The following PCDHA1 variants were observed in gnomAD, a reference collection of about 807,000 sequenced individuals.
The protein encoded by PCDHA1 is protocadherin alpha 1.
In PCDHA1, 42 loss-of-function variants were observed where a neutral mutation model predicts 61.3. The ratio of observed to expected loss-of-function variants is 0.69; its 90% CI spans 0.54 to 0.89. The LOEUF (loss-of-function observed/expected upper bound fraction) is 0.89, where lower values mean the gene tolerates loss of function less well. Ranked by LOEUF, PCDHA1 falls within the 40% of genes least tolerant of loss-of-function variation. The pLI is 0.00. For missense variants in PCDHA1, 1,256 were observed against 1,235.3 expected (o/e 1.02, Z -0.25); for synonymous variants, 610 against 553.8 (o/e 1.10, Z -1.43).
intron 1 of PCDHA1, chr5:140,861,357 G>A (rs560903391): frequency 3.0e-5 from 10 of 335,976 alleles, no homozygotes; most frequent in East Asian, 7.7e-5. Context: ...GGCACATAGC[G>A]TCTTCGCGGT....
intron 1 of PCDHA1, among the ~76,000 whole-genome samples, chr5:140,872,509 C>A (rs1554166234): frequency 6.6e-6 from 1 of 152,076 alleles, no homozygotes; most frequent in Non-Finnish European, 1.5e-5. Flanking sequence ...TGCCTGTAGT[C>A]CCAGTTTCTT....
chr5:140,799,816 G>C (rs1762476928), intron 1 of PCDHA1, among the ~76,000 whole-genome samples: 1 of 151,992 alleles, frequency 6.6e-6, no homozygotes, highest in African/African-American at 2.4e-5. Context: ...ATTTTTAAAT[G>C]GTCTGGGTAT....
chr5:140,860,067 T>C (rs2150484600), intron 1 of PCDHA1: 1 of 151,674 alleles, frequency 6.6e-6, no homozygotes, highest in African/African-American at 2.4e-5. Flanking sequence ...GGTGGGAGGA[T>C]GGTTTGAGGC....
chr5:140,930,257 A>C (rs1412873070), intron 1 of PCDHA1: 1 of 152,218 alleles, frequency 6.6e-6, no homozygotes, highest in Non-Finnish European at 1.5e-5. Flanking sequence ...ACTTGGATTT[A>C]ATTTCTTTTA....
chr5:140,883,762 G>T, intron 1 of PCDHA1: 3 of 1,612,794 alleles, frequency 1.9e-6, no homozygotes, highest in Non-Finnish European at 2.5e-6. Context: ...TGGAGCGGCG[G>T]GTGGGCGAGC....
intron 1 of PCDHA1, chr5:140,861,911 G>A (rs1428528633): frequency 1.3e-5 from 2 of 154,368 alleles, no homozygotes; most frequent in East Asian, 1.9e-4. Context: ...ATATATCACA[G>A]CGCTGGATGT....
chr5:140,957,709 A>T (rs1321290139), intron 1 of PCDHA1, among the ~76,000 whole-genome samples: 6 of 152,264 alleles, frequency 3.9e-5, no homozygotes, highest in Admixed American at 3.3e-4. Context: ...TGTAGTTTTT[A>T]TTAAGAAAGA....
intron 1 of PCDHA1, among the ~76,000 whole-genome samples, chr5:140,789,563 A>G (rs958674794): frequency 7.2e-5 from 11 of 152,232 alleles, no homozygotes; most frequent in Non-Finnish European, 1.0e-4. Flanking sequence ...CTTCATTGTC[A>G]TTGTGAACAA....
chr5:140,883,886 T>C, intron 1 of PCDHA1: 1 of 1,613,156 alleles, frequency 6.2e-7, no homozygotes, highest in Non-Finnish European at 8.5e-7. Flanking sequence ...CGCGCGCGAC[T>C]CTGGCGTGCC....
intron 3 of PCDHA1, among the ~76,000 whole-genome samples, chr5:140,995,405 T>G (rs1203404732): frequency 2.6e-5 from 4 of 152,154 alleles, no homozygotes; most frequent in African/African-American, 9.7e-5. Context: ...TGGCTCGAGA[T>G]TTCATCACAT....
intron 3 of PCDHA1, among the ~76,000 whole-genome samples, chr5:140,988,417 A>G (rs2097297098): frequency 6.6e-6 from 1 of 152,150 alleles, no homozygotes; most frequent in Non-Finnish European, 1.5e-5. Flanking sequence ...GCTTATGTAA[A>G]GAATTTGTTT....
At chr5:140,967,428 C>T (rs782709354) in intron 1 of PCDHA1, 2 of 1,613,402 alleles carry the variant, frequency 1.2e-6, no homozygotes, top group East Asian at 4.5e-5. Context: ...GAGCAGGCAG[C>T]CTTGCACCAC....
intron 1 of PCDHA1, chr5:140,848,130 C>T (rs1423427149): frequency 5.3e-6 from 1 of 190,174 alleles, no homozygotes. Flanking sequence ...CAAGGTCATA[C>T]AAAACTTTTA....
intron 1 of PCDHA1, among the ~76,000 whole-genome samples, chr5:140,827,215 A>G (rs1007618688): frequency 6.6e-6 from 1 of 152,212 alleles, no homozygotes; most frequent in Non-Finnish European, 1.5e-5. Flanking sequence ...GAACAATTAA[A>G]GGAAAGGATA....
chr5:140,935,995 C>T (rs1282709145), intron 1 of PCDHA1, among the ~76,000 whole-genome samples: 7 of 150,888 alleles, frequency 4.6e-5, no homozygotes, highest in South Asian at 2.1e-4. Context: ...CGGGTTCAAG[C>T]GATTCTCCCA....
At chr5:140,998,696 C>G (rs1587806526) in intron 3 of PCDHA1, among the ~76,000 whole-genome samples, 1 of 152,182 alleles carries the variant, frequency 6.6e-6, no homozygotes, top group East Asian at 1.9e-4. Flanking sequence ...TCCCAAGTAG[C>G]TGGGATTACA....
chr5:140,820,833 A>G (rs1554127932), intron 1 of PCDHA1, among the ~76,000 whole-genome samples: 2 of 152,094 alleles, frequency 1.3e-5, no homozygotes. Context: ...TTTATCAGTA[A>G]TAGCAACTTG....
At chr5:140,973,886 T>C (rs887432391) in intron 1 of PCDHA1, among the ~76,000 whole-genome samples, 2 of 152,242 alleles carry the variant, frequency 1.3e-5, no homozygotes, top group African/African-American at 4.8e-5. Flanking sequence ...TAATGTCAAT[T>C]TGCAAATGTT....
intron 3 of PCDHA1, among the ~76,000 whole-genome samples, chr5:140,993,075 G>A (rs531612224): frequency 1.3e-3 from 191 of 152,324 alleles, no homozygotes; most frequent in African/African-American, 4.5e-3. Flanking sequence ...CCTGCAGTCT[G>A]CAATCAGCAG....
Sources: allele counts gnomAD v4.1 joint callset (sites outside exome capture counted in the v4.1 genomes callset), GRCh38; gene constraint gnomAD v4.1.1; transcripts MANE v1.5; gene names NCBI Gene and HGNC (gene_info 2026-07-23, HGNC 2026-07-21).